Variants in COLGALT2 observed in about 807,000 individuals in gnomAD.
COLGALT2 encodes procollagen galactosyltransferase 2.
COLGALT2 carries 49 observed loss-of-function variants against 73.4 expected under a neutral mutation model. That is an observed-to-expected ratio of 0.67 (90% CI 0.53 to 0.85). The LOEUF (loss-of-function observed/expected upper bound fraction) is 0.85, where lower values mean the gene tolerates loss of function less well. Ranked by LOEUF, COLGALT2 falls within the 40% of genes least tolerant of loss-of-function variation. The pLI is 0.00. For missense variants in COLGALT2, 722 were observed against 790.2 expected (o/e 0.91, Z 1.03); for synonymous variants, 295 against 307.6 (o/e 0.96, Z 0.43).
In COLGALT2 at chr1:183,938,197, A is replaced by T. The variant is rs1558306482; in HGVS notation, c.*564T>A. On this transcript the variant is annotated 3_prime_UTR_variant, in exon 12 of 12. Transcript: ENST00000361927. Reference sequence around the variant, plus strand: ...CCCCTACTGGATAACAGGGACTAAGATTTTTTTTTTTTAAAAAATCTACTT... The same window carrying T: ...CCCCTACTGGATAACAGGGACTAAGTTTTTTTTTTTTTAAAAAATCTACTT... 6 of 894,666 alleles carry T rather than the reference A, an allele frequency of 6.7e-6. No individual in the cohort carries two copies. Among genetic ancestry groups the T allele is most frequent in the South Asian group, 5.2e-5 (1 of 19,114 alleles). The allele number at this position is 894,666 out of a possible 1,614,324, so 55.4% of individuals were successfully genotyped here. A position where few individuals can be genotyped will look rare whatever the true frequency, so the allele number is the denominator to read the frequency against.
intron 2 of COLGALT2, among the ~76,000 whole-genome samples, chr1:183,976,635 T>C (rs1050446173): frequency 6.6e-6 from 1 of 152,114 alleles, no homozygotes; most frequent in African/African-American, 2.4e-5. Context: ...CCAACCAGTA[T>C]TAATTTAGTG....
Position 183,939,009 on chromosome 1 carries a change from T to C in COLGALT2, c.1633A>G (p.Arg545Gly), listed in dbSNP as rs1287099563. 3 of 1,613,858 alleles carry C rather than the reference T, an allele frequency of 1.9e-6. No individual in the cohort carries two copies. The highest frequency in any genetic ancestry group is 2.5e-6 in the Non-Finnish European group (3 of 1,179,944). ...VAEYKEYYESRDLKAFSAEPL... is the reference protein window; with the variant it reads ...VAEYKEYYESGDLKAFSAEPL... ...TCTGCAGAGAAGGCTTTCAGGTCCCTGGATTCATAATACTCCTTGTACTCG... is the reference window on the plus strand; with the variant it reads ...TCTGCAGAGAAGGCTTTCAGGTCCCCGGATTCATAATACTCCTTGTACTCG... The change falls in exon 12 of 12, where the codon AGG (arginine) becomes GGG (glycine). Residue 545 changes from arginine to glycine, a missense_variant. Coordinates refer to ENST00000361927, the MANE Select transcript of COLGALT2 (RefSeq NM_015101.4).
At chr1:183,995,119 T>C (rs1219218664) in intron 1 of COLGALT2, among the ~76,000 whole-genome samples, 6 of 151,910 alleles carry the variant, frequency 3.9e-5, no homozygotes, top group African/African-American at 1.2e-4. Flanking sequence ...AGAAAAACAA[T>C]AACATGAATA....
intron 1 of COLGALT2, among the ~76,000 whole-genome samples, chr1:184,016,399 C>T (rs1649000303): frequency 6.6e-6 from 1 of 152,194 alleles, no homozygotes; most frequent in Admixed American, 6.5e-5. Flanking sequence ...ATTTTATCAG[C>T]AGCGAGATTT....
chr1:183,929,869 A>T (rs1669802268), exon 12 of COLGALT2: 2 of 177,662 alleles, frequency 1.1e-5, no homozygotes, highest in South Asian at 2.4e-4. Flanking sequence ...ACAGCTTAAG[A>T]CCGAGGTTTA....
At position 183,975,147 on chromosome 1, in the gene COLGALT2, G is replaced by T; in HGVS notation, c.442C>A (p.Arg148=). The part of the protein sequence containing the change: ...TSRFAHVMKL[R]QAALRTAREK... ...CTCGCAGTTCGAAGGGCTGCCTGTC[G>T]TAGTTTCATCACATGGGCAAACCGG... is the stretch of plus-strand genomic sequence containing the variant. The change falls in exon 3 of 12, where the codon CGA becomes AGA. Residue 148 remains arginine, a synonymous_variant. Coordinates refer to ENST00000361927, the MANE Select transcript of COLGALT2 (RefSeq NM_015101.4). The T allele has an allele frequency of 6.2e-7, 1 of 1,614,044 alleles. No homozygotes were observed. Among genetic ancestry groups the T allele is most frequent in the Non-Finnish European group, 8.5e-7 (1 of 1,179,956 alleles).
intron 3 of COLGALT2, among the ~76,000 whole-genome samples, chr1:183,974,344 A>G (rs1165334175): frequency 6.6e-6 from 1 of 152,226 alleles, no homozygotes; most frequent in Non-Finnish European, 1.5e-5. Context: ...ATCATACTGA[A>G]CTATACACTG....
chr1:184,035,536 C>G (rs1255653205), intron 1 of COLGALT2, among the ~76,000 whole-genome samples: 1 of 152,138 alleles, frequency 6.6e-6, no homozygotes, highest in Non-Finnish European at 1.5e-5. Context: ...AAATAAACAT[C>G]ATAGCATCCT....
At chr1:183,976,931 G>A (rs2102818671) in intron 2 of COLGALT2, among the ~76,000 whole-genome samples, 1 of 152,258 alleles carries the variant, frequency 6.6e-6, no homozygotes, top group East Asian at 1.9e-4. Context: ...GGGTCTTCCA[G>A]GACCTGCACA....
At chr1:183,988,770 A>G (rs970581549) in intron 1 of COLGALT2, among the ~76,000 whole-genome samples, 2 of 152,164 alleles carry the variant, frequency 1.3e-5, no homozygotes, top group African/African-American at 4.8e-5. Context: ...TTCACTTTCT[A>G]GTTACTATGA....
At chr1:183,969,134 G>T in intron 5 of COLGALT2, 135 bp downstream of exon 5, 1 of 695,288 alleles carries the variant, frequency 1.4e-6, no homozygotes, top group Non-Finnish European at 2.3e-6. Context: ...TGCTGGTATG[G>T]TTATTGCAGA....
chr1:183,958,786 T>C (rs1489873587), intron 6 of COLGALT2, among the ~76,000 whole-genome samples: 1 of 150,550 alleles, frequency 6.6e-6, no homozygotes, highest in East Asian at 1.9e-4. Flanking sequence ...TTACCTTCTC[T>C]TTTACATCAT....
intron 1 of COLGALT2, among the ~76,000 whole-genome samples, chr1:184,009,537 TC>T (rs1672178850): frequency 6.6e-6 from 1 of 152,218 alleles, no homozygotes; most frequent in African/African-American, 2.4e-5. Flanking sequence ...CTTGTCTTAT[TC>T]TCCATATGAA....
intron 1 of COLGALT2, among the ~76,000 whole-genome samples, chr1:184,010,239 G>A (rs576397122): frequency 6.6e-6 from 1 of 152,286 alleles, no homozygotes; most frequent in South Asian, 2.1e-4. Context: ...TAATACCAAA[G>A]TTTCCAATTC....
At chr1:183,970,405 C>T (rs1671005075) in intron 4 of COLGALT2, among the ~76,000 whole-genome samples, 1 of 152,206 alleles carries the variant, frequency 6.6e-6, no homozygotes. Flanking sequence ...GGGCACCATA[C>T]TCTGGAAGTT....
intron 1 of COLGALT2, among the ~76,000 whole-genome samples, chr1:184,014,086 G>C (rs1648921209): frequency 6.6e-6 from 1 of 152,184 alleles, no homozygotes; most frequent in Non-Finnish European, 1.5e-5. Context: ...TCTTGAGCTG[G>C]AGAGACACCA....
At chr1:183,965,431 T>C (rs1171813967) in intron 5 of COLGALT2, among the ~76,000 whole-genome samples, 1 of 152,138 alleles carries the variant, frequency 6.6e-6, no homozygotes. Context: ...GCCATCATAC[T>C]TTCTCAGAAA....
intron 1 of COLGALT2, among the ~76,000 whole-genome samples, chr1:184,006,860 T>C (rs1672100229): frequency 6.6e-6 from 1 of 152,314 alleles, no homozygotes; most frequent in African/African-American, 2.4e-5. Flanking sequence ...TCTTAACATC[T>C]CTGAATTCAC....
chr1:183,981,053 A>G (rs1373800759), intron 1 of COLGALT2, among the ~76,000 whole-genome samples: 4 of 152,174 alleles, frequency 2.6e-5, no homozygotes, highest in Non-Finnish European at 4.4e-5. Context: ...AGCCACTACA[A>G]TTAAAACTGT....
Sources: allele counts gnomAD v4.1 joint callset (sites outside exome capture counted in the v4.1 genomes callset), GRCh38; gene constraint gnomAD v4.1.1; transcripts MANE v1.5; gene names NCBI Gene and HGNC (gene_info 2026-07-23, HGNC 2026-07-21).